Variants in DPYD observed in about 807,000 individuals in gnomAD.
DPYD encodes dihydropyrimidine dehydrogenase [NADP(+)].
Under a neutral mutation model 116.2 loss-of-function variants are expected in DPYD, and 109 were observed. The observed-to-expected ratio is 0.94, with a 90% CI of 0.80 to 1.10. DPYD has a LOEUF of 1.10. Ranked by LOEUF, DPYD falls within the 50% of genes least tolerant of loss-of-function variation. The pLI is 0.00. For missense variants in DPYD, 1,302 were observed against 1,254.5 expected, an observed-to-expected ratio of 1.04 and a Z score of -0.57; for synonymous variants, 440 against 432.0, an observed-to-expected ratio of 1.02 and a Z score of -0.23.
chr1:97,666,373 G>A (rs116570304), intron 8 of DPYD, among the ~76,000 whole-genome samples: 1,992 of 152,062 alleles, frequency 0.013, 21 homozygotes, highest in Middle Eastern at 0.024. Context: ...TGCCCAGGCT[G>A]GTCTGGAACT....
intron 3 of DPYD, among the ~76,000 whole-genome samples, chr1:97,816,560 T>G (rs1370790065): frequency 6.6e-6 from 1 of 152,214 alleles, no homozygotes; most frequent in Non-Finnish European, 1.5e-5. Context: ...CACAATGTTG[T>G]CCTTTTATAA....
intron 21 of DPYD, among the ~76,000 whole-genome samples, chr1:97,093,279 C>T (rs1416138836): frequency 6.6e-6 from 1 of 152,124 alleles, no homozygotes; most frequent in African/African-American, 2.4e-5. Context: ...ATTCCTAGTG[C>T]ATTGCTTATC....
At chr1:97,798,741 T>C (rs1667708112) in intron 3 of DPYD, among the ~76,000 whole-genome samples, 2 of 152,016 alleles carry the variant, frequency 1.3e-5, no homozygotes, top group Admixed American at 6.6e-5. Context: ...AGCTTGTTGT[T>C]ATTGTTATCT....
intron 3 of DPYD, among the ~76,000 whole-genome samples, chr1:97,806,358 T>C (rs537497627): frequency 6.6e-6 from 1 of 151,996 alleles, no homozygotes; most frequent in African/African-American, 2.4e-5. Context: ...CAAGTGGGTA[T>C]AAAATAGTAT....
intron 12 of DPYD, among the ~76,000 whole-genome samples, chr1:97,540,053 C>A (rs945537500): frequency 6.6e-6 from 1 of 152,070 alleles, no homozygotes; most frequent in Non-Finnish European, 1.5e-5. Flanking sequence ...CTGCTCCCCA[C>A]CAGCAAGCAA....
At chr1:97,272,032 G>A (rs1258702023) in intron 18 of DPYD, among the ~76,000 whole-genome samples, 1 of 152,072 alleles carries the variant, frequency 6.6e-6, no homozygotes, top group Non-Finnish European at 1.5e-5. Flanking sequence ...TTTGTCAAAG[G>A]CAAACCAGCA....
rs148495686 is a variant in DPYD at position 97,770,219 on chromosome 1, G to C, written c.234-29740C>G. On this transcript the variant is annotated intron_variant, in intron 3 of 22. Coordinates refer to ENST00000370192, the MANE Select transcript of DPYD (RefSeq NM_000110.4). The stretch of plus-strand genomic sequence containing the variant: ...TTATTATCAGTATGACTTTACCATC[G>C]CAACAATTAATTCATAAAAGTCTTA... 2.1e-3 allele frequency among the ~76,000 whole-genome samples: 313 copies of C among 152,106 alleles called. 1 individual carries two copies. Among genetic ancestry groups the C allele is most frequent in the African/African-American group, 6.5e-3 (269 of 41,446 alleles).
rs375942506 is a variant in DPYD, at chr1:97,679,943, T to C, written c.763-761A>G. Reference sequence around the variant, plus strand: ...GTCATTTATCCAAGCAACTAAGCCCTGGAAAAAGGGGAATGATCAGACATT... The same window carrying C: ...GTCATTTATCCAAGCAACTAAGCCCCGGAAAAAGGGGAATGATCAGACATT... On this transcript the variant is annotated intron_variant, in intron 7 of 22. Coordinates refer to ENST00000370192, the MANE Select transcript of DPYD (RefSeq NM_000110.4). Among the ~76,000 whole-genome samples the C allele has an allele frequency of 4.6e-5, 7 of 152,100 alleles. No individual in the cohort carries two copies. In the South Asian group the frequency reaches 8.3e-4, roughly 18 times the overall value.
At chr1:97,610,368 C>T (rs1223156187) in intron 8 of DPYD, among the ~76,000 whole-genome samples, 1 of 152,032 alleles carries the variant, frequency 6.6e-6, no homozygotes, top group Non-Finnish European at 1.5e-5. Flanking sequence ...AGCCGACTCC[C>T]TTGTGTGACC....
At chr1:97,746,436 C>A (rs143135740) in intron 3 of DPYD, among the ~76,000 whole-genome samples, 98 of 152,138 alleles carry the variant, frequency 6.4e-4, no homozygotes, top group African/African-American at 2.2e-3. Flanking sequence ...AATAAAATAT[C>A]TTCATAAAAA....
chr1:97,693,114 C>A (rs1458473940), intron 6 of DPYD, among the ~76,000 whole-genome samples: 1 of 151,498 alleles, frequency 6.6e-6, no homozygotes, highest in Non-Finnish European at 1.5e-5. Context: ...CACGGTGAAA[C>A]CCCGTCTCTA....
intron 3 of DPYD, among the ~76,000 whole-genome samples, chr1:97,758,505 C>G (rs573851208): frequency 4.5e-4 from 68 of 151,988 alleles, no homozygotes; most frequent in Non-Finnish European, 7.2e-4. Flanking sequence ...GCAGTGAAAC[C>G]CTTATTTTAA....
chr1:97,823,355 C>T (rs1239020089), intron 3 of DPYD, among the ~76,000 whole-genome samples: 3 of 152,050 alleles, frequency 2.0e-5, no homozygotes, highest in Admixed American at 6.6e-5. Flanking sequence ...GGGGTTTCAC[C>T]GTGTTAGCCA....
At chr1:97,392,976 CTATCCAGACCACTAAAATGT>C (rs898393460) in intron 14 of DPYD, among the ~76,000 whole-genome samples, 9 of 152,026 alleles carry the variant, frequency 5.9e-5, no homozygotes, top group Admixed American at 3.9e-4. Flanking sequence ...GTTTGATATT[CTATCCAGACCACTAAAATGT>C]TATCCAGACC....
At chr1:97,596,459 A>G (rs1019596575) in intron 8 of DPYD, among the ~76,000 whole-genome samples, 3 of 152,224 alleles carry the variant, frequency 2.0e-5, no homozygotes, top group African/African-American at 4.8e-5. Context: ...CAAAGTGTAA[A>G]TGAAGAAAAT....
chr1:97,290,020 C>G (rs184644013), intron 18 of DPYD, among the ~76,000 whole-genome samples: 2 of 152,192 alleles, frequency 1.3e-5, no homozygotes, highest in African/African-American at 4.8e-5. Flanking sequence ...GTACAAAAAT[C>G]AAATCACAAG....
At chr1:97,595,207 G>C (rs761252397) in intron 8 of DPYD, 41 bp from the exon 9 acceptor site, 1 of 1,518,766 alleles carries the variant, frequency 6.6e-7, no homozygotes, top group Non-Finnish European at 9.1e-7. Context: ...GCAGGAGGAG[G>C]GGCTTTTCCT....
At chr1:97,851,109 T>C (rs1360732575) in intron 2 of DPYD, among the ~76,000 whole-genome samples, 1 of 151,954 alleles carries the variant, frequency 6.6e-6, no homozygotes, top group East Asian at 1.9e-4. Flanking sequence ...CAAGGAGATA[T>C]TATTTGAAGA....
chr1:97,385,593 A>G (rs1672297945), intron 14 of DPYD, among the ~76,000 whole-genome samples: 1 of 152,092 alleles, frequency 6.6e-6, no homozygotes, highest in African/African-American at 2.4e-5. Flanking sequence ...TAACATAACA[A>G]AATAATCCCC....
Sources: gnomAD v4.1 joint callset for allele counts (sites outside exome capture counted in the v4.1 genomes callset) on GRCh38, gnomAD v4.1.1 for gene constraint, MANE v1.5 for transcripts, NCBI Gene and HGNC (gene_info 2026-07-23, HGNC 2026-07-21) for gene names.